PLPP7: variants seen among roughly 807,000 people sequenced by gnomAD.
PLPP7 encodes the protein inactive phospholipid phosphatase 7.
A neutral mutation model predicts 16.9 loss-of-function variants in PLPP7; 11 were observed. The ratio of observed to expected loss-of-function variants is 0.65; its 90% CI spans 0.41 to 1.08. The LOEUF is 1.08. Among genes scored for constraint, PLPP7 ranks in the 50% least tolerant of loss-of-function variants. The probability of loss-of-function intolerance (pLI) is 0.00; values close to 1 mark genes in which losing one functional copy is unlikely to be tolerated. For missense variants in PLPP7, 358 were observed against 397.1 expected, an observed-to-expected ratio of 0.90 and a Z score of 0.84; for synonymous variants, 174 against 175.1, an observed-to-expected ratio of 0.99 and a Z score of 0.05.
chr9:131,292,580 G>A (rs181394058), intron 1 of PLPP7, among the ~76,000 whole-genome samples: 10 of 152,288 alleles, frequency 6.6e-5, no homozygotes, highest in South Asian at 2.1e-4. Context: ...TTTGCTTTGC[G>A]TTTTCAGAGG....
intron 1 of PLPP7, among the ~76,000 whole-genome samples, chr9:131,302,808 C>A (rs923902045): frequency 6.6e-6 from 1 of 152,150 alleles, no homozygotes; most frequent in Non-Finnish European, 1.5e-5. Flanking sequence ...AGAGACCAGA[C>A]TACAAGCAGC....
intron 1 of PLPP7, among the ~76,000 whole-genome samples, chr9:131,305,899 G>C (rs1191173318): frequency 6.6e-6 from 1 of 151,940 alleles, no homozygotes; most frequent in Admixed American, 6.6e-5. Flanking sequence ...AAAGTGCTGG[G>C]ATTATAAGTG....
Position 131,307,963 on chromosome 9 carries a change from G to A in PLPP7, c.492G>A (p.Lys164=), listed in dbSNP as rs1835871993. 6 of 1,598,028 alleles carry A rather than the reference G, an allele frequency of 3.8e-6. No homozygotes were observed. Among genetic ancestry groups the A allele is most frequent in the Non-Finnish European group, 5.1e-6 (6 of 1,178,510 alleles). ...TCATGACGGTGGCCGGCGTGCAGAA[G>A]CTCATCAAGCGGCGCGGCCCGTACG... ...LDIMTVAGVQ[K]LIKRRGPYET... is the part of the protein sequence containing the mutation. Residue 164 remains lysine (K), a synonymous_variant, in exon 2 of 2, where the codon AAG becomes AAA. Transcript: ENST00000372264.
chr9:131,303,503 T>TC (rs1835821389), intron 1 of PLPP7, among the ~76,000 whole-genome samples: 1 of 150,598 alleles, frequency 6.6e-6, no homozygotes, highest in Non-Finnish European at 1.5e-5. Flanking sequence ...TTTTTTTTTT[T>TC]ACTTTTTTTC....
intron 1 of PLPP7, among the ~76,000 whole-genome samples, chr9:131,300,689 GAAAAAAAA>G (rs1165239833): frequency 5.0e-5 from 2 of 40,358 alleles, no homozygotes; most frequent in Admixed American, 2.6e-4. Flanking sequence ...CTCAAAAGCA[GAAAAAAAA>G]AAAAAAAAAA....
chr9:131,294,766 G>A (rs541332276), intron 1 of PLPP7, among the ~76,000 whole-genome samples: 6 of 152,022 alleles, frequency 3.9e-5, no homozygotes, highest in Admixed American at 2.0e-4. Flanking sequence ...CGCCTCCCGG[G>A]TTCAAGCAAT....
rs751883562 is a variant in PLPP7, at chr9:131,307,996, C to T, written c.525C>T (p.Ser175=). ...LIKRRGPYET[S]PSLLDYLTMD... is the part of the protein sequence containing the mutation. The stretch of plus-strand genomic sequence containing the variant: ...AGCGGCGCGGCCCGTACGAGACGAG[C>T]CCCAGCCTCCTGGACTACCTCACCA... The change falls in exon 2 of 2, where the codon AGC becomes AGT. Residue 175 remains serine (S), a synonymous_variant. Coordinates refer to ENST00000372264, the MANE Select transcript of PLPP7 (RefSeq NM_032728.4). 3 of 1,600,524 alleles carry T rather than the reference C, an allele frequency of 1.9e-6. No homozygotes were observed. The highest frequency in any genetic ancestry group is 2.5e-6 in the Non-Finnish European group (3 of 1,179,694).
Position 131,295,655 on chromosome 9 carries a change from T to A in PLPP7, c.451+5207T>A, listed in dbSNP as rs1317798153. Among the ~76,000 whole-genome samples the A allele has an allele frequency of 4.6e-5, 7 of 152,102 alleles. No homozygotes were observed. In the South Asian group the frequency reaches 1.5e-3, roughly 32 times the overall value. ...AGCTCTGTCCCCATTAAGCACTGAC[T>A]CCCCACTCCCCTTCCCCCAGCCCCT... On this transcript the variant is annotated intron_variant, in intron 1 of 1. Transcript: ENST00000372264. This position sits in a 1 kb window ranked among gnomAD's most constrained non-coding sequence, Gnocchi z 4.0.
At chr9:131,302,411 A>G (rs1366388856) in intron 1 of PLPP7, among the ~76,000 whole-genome samples, 1 of 152,172 alleles carries the variant, frequency 6.6e-6, no homozygotes, top group Non-Finnish European at 1.5e-5. Flanking sequence ...TGCCAAGGTC[A>G]GCACAGCTAC....
Position 131,308,605 on chromosome 9 carries a change from G to A in PLPP7, c.*318G>A, listed in dbSNP as rs1234986651. The A allele has an allele frequency of 2.6e-6, 1 of 380,016 alleles. No individual in the cohort carries two copies. Among genetic ancestry groups the A allele is most frequent in the East Asian group, 5.4e-5 (1 of 18,462 alleles). 23.5% of individuals were successfully genotyped at this position (380,016 alleles called of 1,614,324 possible). ...CAGCAAAAATCAGGATGGTGGGAGG[G>A]GCCGAGTCTTGTCTTGTCCTTTCAT... On this transcript the variant is annotated 3_prime_UTR_variant, in exon 2 of 2. Coordinates refer to ENST00000372264, the MANE Select transcript of PLPP7 (RefSeq NM_032728.4).
intron 1 of PLPP7, among the ~76,000 whole-genome samples, chr9:131,292,310 C>T (rs1835686959): frequency 6.6e-6 from 1 of 152,198 alleles, no homozygotes; most frequent in Non-Finnish European, 1.5e-5. Flanking sequence ...GCTCCCTTGA[C>T]CCCATCTCTT....
At chr9:131,306,072 C>T (rs1835848608) in intron 1 of PLPP7, among the ~76,000 whole-genome samples, 1 of 151,896 alleles carries the variant, frequency 6.6e-6, no homozygotes, top group African/African-American at 2.4e-5. Context: ...CCCGTCTCTA[C>T]TAAAAATACA....
chr9:131,307,453 G>A (rs1342746172), intron 1 of PLPP7, among the ~76,000 whole-genome samples: 9 of 147,816 alleles, frequency 6.1e-5, no homozygotes, highest in Admixed American at 2.1e-4. Context: ...TCAGGAGGCC[G>A]AGGCAGGAGA....
intron 1 of PLPP7, among the ~76,000 whole-genome samples, chr9:131,304,620 G>A (rs1044254310): frequency 6.6e-5 from 10 of 152,158 alleles, no homozygotes; most frequent in African/African-American, 2.2e-4. Context: ...GGGTGACAGA[G>A]TGAGACTCTG....
chr9:131,300,156 C>A (rs565524511), intron 1 of PLPP7, among the ~76,000 whole-genome samples: 1 of 152,344 alleles, frequency 6.6e-6, no homozygotes, highest in African/African-American at 2.4e-5. Context: ...CCTTCTTGCT[C>A]CCTGTTGCCT....
At chr9:131,297,421 T>C in intron 1 of PLPP7, among the ~76,000 whole-genome samples, 1 of 149,898 alleles carries the variant, frequency 6.7e-6, no homozygotes, top group Admixed American at 6.7e-5. Context: ...AGTCTTGCTC[T>C]GTCACCCAGG....
intron 1 of PLPP7, 137 bp from the exon 2 acceptor site, chr9:131,307,786 C>A (rs1458335637): frequency 5.7e-6 from 5 of 877,724 alleles, no homozygotes; most frequent in African/African-American, 1.7e-5. Context: ...TGAGAGGGGA[C>A]CCTGCCTGGG....
At chr9:131,306,502 A>T (rs1835854952) in intron 1 of PLPP7, among the ~76,000 whole-genome samples, 1 of 151,728 alleles carries the variant, frequency 6.6e-6, no homozygotes, top group East Asian at 1.9e-4. Flanking sequence ...ATGCCACCAC[A>T]CTCCAGCCTG....
intron 1 of PLPP7, among the ~76,000 whole-genome samples, chr9:131,298,031 G>A (rs1217307904): frequency 6.6e-6 from 1 of 152,100 alleles, no homozygotes; most frequent in Non-Finnish European, 1.5e-5. Context: ...CTGGTGTCTA[G>A]ATTAGGCCAC....
Sources: gnomAD v4.1 joint callset for allele counts (sites outside exome capture counted in the v4.1 genomes callset) on GRCh38, gnomAD v4.1.1 for gene constraint, Gnocchi (gnomAD v3.1) non-coding constraint, MANE v1.5 for transcripts, NCBI Gene and HGNC (gene_info 2026-07-23, HGNC 2026-07-21) for gene names.